The following TBXAS1 variants were observed in gnomAD, a reference collection of about 807,000 sequenced individuals.
The protein encoded by TBXAS1 is thromboxane-A synthase.
In TBXAS1, 48 loss-of-function variants were observed where a neutral mutation model predicts 60.7. That is an observed-to-expected ratio of 0.79 (90% CI 0.63 to 1.01). The LOEUF (loss-of-function observed/expected upper bound fraction) is 1.01, where lower values mean the gene tolerates loss of function less well. Among genes scored for constraint, TBXAS1 ranks in the 50% least tolerant of loss-of-function variants. TBXAS1 has a pLI of 0.00. For missense variants in TBXAS1, 685 were observed against 686.3 expected (o/e 1.00, Z 0.02); for synonymous variants, 287 against 269.7 (o/e 1.06, Z -0.63).
chr7:139,876,009 C>A, intron 3 of TBXAS1: 1 of 307,922 alleles, frequency 3.2e-6, no homozygotes, highest in Admixed American at 4.4e-5. Flanking sequence ...CACAGCAGGT[C>A]TTACCCCATG....
chr7:140,008,653 T>A (rs1024303104), intron 10 of TBXAS1, among the ~76,000 whole-genome samples: 3 of 152,122 alleles, frequency 2.0e-5, no homozygotes, highest in Non-Finnish European at 4.4e-5. Flanking sequence ...TTCACCACGT[T>A]GGCCAGGCTG....
At chr7:139,892,092 C>A (rs1363189507) in intron 3 of TBXAS1, among the ~76,000 whole-genome samples, 1 of 152,136 alleles carries the variant, frequency 6.6e-6, no homozygotes, top group Non-Finnish European at 1.5e-5. Flanking sequence ...TCCACTCACC[C>A]AAGTCATTAA....
chr7:140,005,073 G>A (rs1813964313), intron 9 of TBXAS1, among the ~76,000 whole-genome samples: 1 of 152,370 alleles, frequency 6.6e-6, no homozygotes, highest in Non-Finnish European at 1.5e-5. Context: ...CTGAGAGCTG[G>A]TCGTGGGAGG....
At chr7:139,857,062 G>C (rs935488192) in intron 1 of TBXAS1, among the ~76,000 whole-genome samples, 1 of 152,116 alleles carries the variant, frequency 6.6e-6, no homozygotes, top group Non-Finnish European at 1.5e-5. Context: ...TTACTCTGGG[G>C]ACCCCTTGGC....
intron 4 of TBXAS1, among the ~76,000 whole-genome samples, chr7:139,925,694 G>A (rs1806826016): frequency 6.6e-6 from 1 of 152,174 alleles, no homozygotes; most frequent in African/African-American, 2.4e-5. Flanking sequence ...AATAACAGTG[G>A]TGAAAGTGGG....
At chr7:139,965,724 G>T (rs986679132) in intron 9 of TBXAS1, among the ~76,000 whole-genome samples, 1 of 152,082 alleles carries the variant, frequency 6.6e-6, no homozygotes, top group Non-Finnish European at 1.5e-5. Flanking sequence ...GGTTGTGGGG[G>T]GGAGTCTCTG....
intron 4 of TBXAS1, among the ~76,000 whole-genome samples, chr7:139,804,555 G>C (rs186818868): frequency 2.6e-4 from 40 of 152,318 alleles, no homozygotes; most frequent in Admixed American, 7.2e-4. Context: ...GCCAGGGGCA[G>C]AATTATATGG....
At chr7:139,815,393 G>C (rs919967847) in intron 4 of TBXAS1, among the ~76,000 whole-genome samples, 14 of 152,232 alleles carry the variant, frequency 9.2e-5, no homozygotes, top group Admixed American at 2.0e-4. Context: ...TCAATTCCAT[G>C]AAGAGGTTCC....
At chr7:139,821,392 C>T (rs1031481591) in intron 4 of TBXAS1, among the ~76,000 whole-genome samples, 2 of 152,132 alleles carry the variant, frequency 1.3e-5, no homozygotes, top group Non-Finnish European at 2.9e-5. Flanking sequence ...AGTGAACAGC[C>T]TGTGATGTTA....
At chr7:139,982,747 A>G (rs1812058155) in intron 9 of TBXAS1, among the ~76,000 whole-genome samples, 1 of 152,200 alleles carries the variant, frequency 6.6e-6, no homozygotes, top group Admixed American at 6.5e-5. Flanking sequence ...ATCACAGCCC[A>G]CATGTTGAAA....
chr7:139,966,877 C>T lies in TBXAS1; in HGVS notation c.1134+4644C>T, dbSNP rs939523124. Among the ~76,000 whole-genome samples the T allele has an allele frequency of 4.4e-4, 67 of 152,326 alleles. 1 individual carries two copies. The highest frequency in any genetic ancestry group is 1.5e-3 in the African/African-American group (63 of 41,580). ...TTTTTCCCCTCCTTCTACCCCTCCC[C>T]CACCCCTGCTGGGCCCCTTTCTCCT... On this transcript the variant is annotated intron_variant, in intron 9 of 12. Coordinates refer to ENST00000448866, the MANE Select transcript of TBXAS1 (RefSeq NM_001061.7).
At chr7:139,924,354 G>A (rs373517445) in intron 4 of TBXAS1, among the ~76,000 whole-genome samples, 1 of 152,278 alleles carries the variant, frequency 6.6e-6, no homozygotes, top group East Asian at 1.9e-4. Flanking sequence ...TTTAAATGGG[G>A]TGAGATGATA....
At chr7:139,841,786 A>C (rs1055870354) in intron 1 of TBXAS1, among the ~76,000 whole-genome samples, 6 of 152,184 alleles carry the variant, frequency 3.9e-5, no homozygotes, top group Non-Finnish European at 8.8e-5. Context: ...CAGCCAAATG[A>C]ATTTTATGAC....
rs185066286 is a variant in TBXAS1 at position 139,999,032 on chromosome 7, A to G, written c.1135-8059A>G. ...CAAATTATTGAAGCTAGCACAGAGA[A>G]CTTTCTGGGCATTGGCCAGGGAAGC... On this transcript the variant is annotated intron_variant, in intron 9 of 12. Coordinates refer to ENST00000448866, the MANE Select transcript of TBXAS1 (RefSeq NM_001061.7). The surrounding 1 kb of genome is among the most constrained non-coding windows in gnomAD (Gnocchi z 4.3). Among the ~76,000 whole-genome samples, 112 of 152,362 alleles carry G rather than the reference A, an allele frequency of 7.4e-4. 1 individual carries two copies. Among genetic ancestry groups the G allele is most frequent in the Non-Finnish European group, 6.2e-4 (42 of 68,032 alleles).
intron 9 of TBXAS1, among the ~76,000 whole-genome samples, chr7:139,978,775 CAAAAA>C (rs35583867): frequency 1.1e-5 from 1 of 90,990 alleles, no homozygotes; most frequent in Admixed American, 1.1e-4. Context: ...CCTGCCTCTA[CAAAAA>C]AAAAAAAAAA....
intron 1 of TBXAS1, among the ~76,000 whole-genome samples, chr7:139,853,967 G>A (rs1442065567): frequency 1.3e-5 from 2 of 152,156 alleles, no homozygotes; most frequent in African/African-American, 2.4e-5. Flanking sequence ...TCCTGGAGGA[G>A]GCAACCCTTG....
At chr7:139,979,046 G>A (rs1485433565) in intron 9 of TBXAS1, among the ~76,000 whole-genome samples, 2 of 152,196 alleles carry the variant, frequency 1.3e-5, no homozygotes, top group African/African-American at 2.4e-5. Context: ...ATTTGAATTC[G>A]ATCCTCTGGC....
chr7:139,979,722 C>T (rs1167558452), intron 9 of TBXAS1, among the ~76,000 whole-genome samples: 1 of 118,444 alleles, frequency 8.4e-6, no homozygotes, highest in African/African-American at 3.4e-5. Flanking sequence ...AGCAAGATTC[C>T]ATCTCAATAA....
intron 5 of TBXAS1, among the ~76,000 whole-genome samples, chr7:139,946,469 A>T (rs1307121129): frequency 1.3e-5 from 2 of 152,270 alleles, no homozygotes; most frequent in Non-Finnish European, 2.9e-5. Context: ...AAGAAGGAAG[A>T]TGACAACCAT....
Sources: gnomAD v4.1 joint callset for allele counts (sites outside exome capture counted in the v4.1 genomes callset) on GRCh38, gnomAD v4.1.1 for gene constraint, Gnocchi (gnomAD v3.1) non-coding constraint, MANE v1.5 for transcripts, NCBI Gene and HGNC (gene_info 2026-07-23, HGNC 2026-07-21) for gene names.